The following ARSG variants were observed in gnomAD, a reference collection of about 807,000 sequenced individuals.
ARSG encodes the protein ASG.
ARSG carries 37 observed loss-of-function variants against 50.5 expected under a neutral mutation model. The ratio of observed to expected loss-of-function variants is 0.73; its 90% confidence interval spans 0.56 to 0.96. The LOEUF (loss-of-function observed/expected upper bound fraction) is 0.96, where lower values mean the gene tolerates loss of function less well. ARSG is among the 50% of genes least tolerant of loss of function. ARSG has a pLI of 0.00. For missense variants in ARSG, 629 were observed against 675.3 expected (o/e 0.93, Z 0.76); for synonymous variants, 225 against 254.6 (o/e 0.88, Z 1.11).
chr17:68,392,424 A>G (rs1568567334), intron 9 of ARSG, among the ~76,000 whole-genome samples: 2 of 152,188 alleles, frequency 1.3e-5, no homozygotes, highest in Non-Finnish European at 2.9e-5. Context: ...TGGGTGATGG[A>G]CTAAGTGTGT....
chr17:68,298,911 G>A (rs970679497), intron 1 of ARSG, among the ~76,000 whole-genome samples: 2 of 151,986 alleles, frequency 1.3e-5, no homozygotes, highest in Admixed American at 1.3e-4. Flanking sequence ...CTGAGAGTTA[G>A]GGCTTCAACA....
chr17:68,330,280 A>T (rs1427055324), intron 2 of ARSG, among the ~76,000 whole-genome samples: 2 of 151,754 alleles, frequency 1.3e-5, no homozygotes, highest in Admixed American at 6.6e-5. Context: ...GGGAGGGGGA[A>T]TTGGAGACAG....
intron 1 of ARSG, chr17:68,285,539 G>A (rs62087134): frequency 0.36 from 54,409 of 152,172 alleles, 9,862 homozygotes; most frequent in East Asian, 0.39. Context: ...GTGTGGTGGT[G>A]CGCACCTGTG....
At chr17:68,328,632 T>G (rs1394582948) in intron 2 of ARSG, among the ~76,000 whole-genome samples, 3 of 152,214 alleles carry the variant, frequency 2.0e-5, no homozygotes, top group Non-Finnish European at 4.4e-5. Flanking sequence ...CGTGGTTGGT[T>G]GAACTAGACC....
intron 8 of ARSG, among the ~76,000 whole-genome samples, chr17:68,379,115 C>A (rs1261215578): frequency 6.6e-6 from 1 of 152,166 alleles, no homozygotes; most frequent in Admixed American, 6.5e-5. Flanking sequence ...ATACTCAGGG[C>A]CACCCCAGGC....
At chr17:68,341,782 G>T (rs193198879) in intron 2 of ARSG, among the ~76,000 whole-genome samples, 5 of 152,252 alleles carry the variant, frequency 3.3e-5, no homozygotes, top group Admixed American at 3.3e-4. Flanking sequence ...TCTAAAAAAG[G>T]ACTGGGCATA....
intron 10 of ARSG, among the ~76,000 whole-genome samples, chr17:68,398,187 C>T (rs751520654): frequency 4.6e-5 from 7 of 152,128 alleles, no homozygotes; most frequent in African/African-American, 7.2e-5. Flanking sequence ...TACACATGTT[C>T]GCATATGCAT....
At chr17:68,439,098 A>C in the ARSG span, among the ~76,000 whole-genome samples, 1 of 152,186 alleles carries the variant, frequency 6.6e-6, no homozygotes, top group African/African-American at 2.4e-5. Flanking sequence ...GCTAAACATA[A>C]AGTTCTCATA....
the ARSG span, among the ~76,000 whole-genome samples, chr17:68,433,760 G>GTTT: frequency 3.7e-4 from 27 of 72,820 alleles, 3 homozygotes; most frequent in East Asian, 4.8e-3. Context: ...AAGGGTCATA[G>GTTT]TTTTTTTTTT....
At chr17:68,443,359 C>T in the ARSG span, among the ~76,000 whole-genome samples, 4 of 152,140 alleles carry the variant, frequency 2.6e-5, no homozygotes, top group East Asian at 1.9e-4. Context: ...GTGATCCACC[C>T]GCCTCGGCCT....
chr17:68,369,357 T>C (rs931202557), intron 7 of ARSG, among the ~76,000 whole-genome samples: 6 of 152,170 alleles, frequency 3.9e-5, no homozygotes, highest in African/African-American at 1.4e-4. Context: ...CTGGCCAACA[T>C]GGCAAAACCC....
At chr17:68,435,359 G>A in the ARSG span, among the ~76,000 whole-genome samples, 236 of 152,308 alleles carry the variant, frequency 1.5e-3, no homozygotes, top group African/African-American at 5.5e-3. Flanking sequence ...TGATGTACAC[G>A]TACATTTCTT....
At chr17:68,265,793 T>A (rs1406635223) in intron 1 of ARSG, among the ~76,000 whole-genome samples, 1 of 149,816 alleles carries the variant, frequency 6.7e-6, no homozygotes, top group Non-Finnish European at 1.5e-5. Flanking sequence ...TGAAAAAAAA[T>A]ATATTTCCTG....
At chr17:68,398,601 G>T (rs2081350274) in intron 10 of ARSG, among the ~76,000 whole-genome samples, 2 of 152,216 alleles carry the variant, frequency 1.3e-5, no homozygotes, top group South Asian at 4.1e-4. Context: ...GTAACTCCTG[G>T]ATATTCAACT....
At chr17:68,325,239 A>G (rs782062473) in intron 2 of ARSG, among the ~76,000 whole-genome samples, 11 of 152,002 alleles carry the variant, frequency 7.2e-5, no homozygotes, top group Non-Finnish European at 1.6e-4. Context: ...TGCGAGCCCT[A>G]TTGTGAACTG....
intron 2 of ARSG, among the ~76,000 whole-genome samples, chr17:68,311,181 A>T (rs1555766594): frequency 6.6e-6 from 1 of 151,602 alleles, no homozygotes; most frequent in Admixed American, 6.6e-5. Flanking sequence ...AACCAACAAA[A>T]CCCCAAACTG....
Position 68,377,362 on chromosome 17 carries a change from A to G in ARSG, c.982+6838A>G, listed in dbSNP as rs7223834. Among the ~76,000 whole-genome samples, 517 of 152,310 alleles carry G rather than the reference A, an allele frequency of 3.4e-3. 4 individuals carry two copies. Among genetic ancestry groups the G allele is most frequent in the African/African-American group, 0.012 (490 of 41,560 alleles). On this transcript the variant is annotated intron_variant, in intron 8 of 11. Transcript: ENST00000621439. Reference sequence around the variant, plus strand: ...ACTCCTCAGCCACCTGGAAAATCCTATCTTGCTCTTTGAACCTAGCAATTG... The same window carrying G: ...ACTCCTCAGCCACCTGGAAAATCCTGTCTTGCTCTTTGAACCTAGCAATTG...
intron 11 of ARSG, among the ~76,000 whole-genome samples, chr17:68,414,842 A>G (rs759796119): frequency 2.6e-5 from 4 of 152,130 alleles, no homozygotes; most frequent in Non-Finnish European, 5.9e-5. Context: ...GTAGCCTTGA[A>G]TGATCTTTTG....
At chr17:68,278,387 A>G in intron 1 of ARSG, 1 of 1,093,394 alleles carries the variant, frequency 9.1e-7, no homozygotes, top group Non-Finnish European at 1.4e-6. Context: ...GATGATTCTC[A>G]TACTCTTAAG....
Sources: gnomAD v4.1 joint callset for allele counts (sites outside exome capture counted in the v4.1 genomes callset) on GRCh38, gnomAD v4.1.1 for gene constraint, MANE v1.5 for transcripts, NCBI Gene and HGNC (gene_info 2026-07-23, HGNC 2026-07-21) for gene names.